The following HSD17B3 variants were observed in gnomAD, a reference collection of about 807,000 sequenced individuals.
The protein encoded by HSD17B3 is hydroxysteroid 17-beta dehydrogenase 3, also known as 17-beta-hydroxysteroid dehydrogenase type 3.
Under a neutral mutation model 41.1 loss-of-function variants are expected in HSD17B3, and 29 were observed. The ratio of observed to expected loss-of-function variants is 0.71; its 90% CI spans 0.53 to 0.96. HSD17B3 has a LOEUF of 0.96. Among genes scored for constraint, HSD17B3 ranks in the 40% least tolerant of loss-of-function variants. The pLI is 0.00. For missense variants in HSD17B3, 323 were observed against 374.6 expected, an observed-to-expected ratio of 0.86 and a Z score of 1.14; for synonymous variants, 126 against 145.6, an observed-to-expected ratio of 0.87 and a Z score of 0.97.
intron 10 of HSD17B3, among the ~76,000 whole-genome samples, chr9:96,238,915 G>A (rs1836327842): frequency 6.6e-6 from 1 of 152,236 alleles, no homozygotes; most frequent in African/African-American, 2.4e-5. Context: ...AGCATGGTGA[G>A]ACAGGTGCTG....
chr9:96,242,796 A>G (rs1399776890), intron 9 of HSD17B3, among the ~76,000 whole-genome samples: 1 of 152,180 alleles, frequency 6.6e-6, no homozygotes, highest in Non-Finnish European at 1.5e-5. Flanking sequence ...GATGCTGCTG[A>G]GGGTCACATG....
intron 2 of HSD17B3, among the ~76,000 whole-genome samples, chr9:96,277,501 G>A (rs1826510991): frequency 6.6e-6 from 1 of 152,170 alleles, no homozygotes; most frequent in African/African-American, 2.4e-5. Flanking sequence ...AGGAAATGCA[G>A]ATGAAAACCA....
chr9:96,262,175 TA>T, intron 2 of HSD17B3, among the ~76,000 whole-genome samples: 1 of 150,402 alleles, frequency 6.6e-6, no homozygotes, highest in East Asian at 2.0e-4. Context: ...TATGTGTTTC[TA>T]CCTCTGAAAA....
chr9:96,290,061 T>C (rs72621420), intron 2 of HSD17B3, among the ~76,000 whole-genome samples: 23,782 of 151,972 alleles, frequency 0.16, 2,482 homozygotes, highest in Admixed American at 0.3. Flanking sequence ...AGGGCTTGAA[T>C]TCAGGTGCTA....
intron 6 of HSD17B3, among the ~76,000 whole-genome samples, chr9:96,248,974 C>T (rs1335423973): frequency 6.6e-6 from 1 of 151,608 alleles, no homozygotes; most frequent in East Asian, 1.9e-4. Flanking sequence ...GACACAGTCT[C>T]AGCTCACTGC....
At chr9:96,267,141 C>A (rs1456022947) in intron 2 of HSD17B3, among the ~76,000 whole-genome samples, 2 of 143,822 alleles carry the variant, frequency 1.4e-5, no homozygotes, top group East Asian at 4.1e-4. Context: ...TGGAACAGCG[C>A]CAGGCAAAAG....
intron 2 of HSD17B3, among the ~76,000 whole-genome samples, chr9:96,279,855 C>T (rs1285530242): frequency 4.6e-5 from 7 of 151,916 alleles, no homozygotes; most frequent in East Asian, 1.9e-4. Context: ...CGGCAAGCTC[C>T]GCCTCCCAGG....
intron 2 of HSD17B3, among the ~76,000 whole-genome samples, chr9:96,287,448 C>T (rs917575332): frequency 1.6e-4 from 24 of 152,224 alleles, no homozygotes; most frequent in African/African-American, 3.1e-4. Flanking sequence ...TGGTGGCTCA[C>T]GCCTGTAATG....
intron 2 of HSD17B3, among the ~76,000 whole-genome samples, chr9:96,257,135 C>A (rs1042342886): frequency 4.6e-5 from 7 of 152,148 alleles, no homozygotes; most frequent in Admixed American, 2.6e-4. Context: ...CCTGTACAAG[C>A]CTGCAGAACT....
At chr9:96,275,772 T>C (rs1161478034) in intron 2 of HSD17B3, among the ~76,000 whole-genome samples, 1 of 150,602 alleles carries the variant, frequency 6.6e-6, no homozygotes, top group Admixed American at 6.6e-5. Context: ...AAAGAGAAAA[T>C]AATGAAAGCA....
At chr9:96,253,488 C>T (rs557111194) in intron 3 of HSD17B3, among the ~76,000 whole-genome samples, 47 of 152,238 alleles carry the variant, frequency 3.1e-4, no homozygotes, top group Middle Eastern at 3.4e-3. Flanking sequence ...GGTCATTGTC[C>T]CTACAACCTT....
chr9:96,235,493 C>T lies in HSD17B3; in HGVS notation c.900G>A (p.Val300=). ...AFQRLLLTHY[V]AYLKLNTKVR ...CCTTGGTGTTGAGCTTCAGGTATGC[C>T]ACATAGTGTGTCAGGAGCAGCCTTT... Residue 300 remains valine, a synonymous_variant, in exon 11 of 11, where the codon GTG becomes GTA. Coordinates refer to ENST00000375263, the MANE Select transcript of HSD17B3 (RefSeq NM_000197.2). The T allele has an allele frequency of 6.2e-7, 1 of 1,614,032 alleles. No individual in the cohort carries two copies. Among genetic ancestry groups the T allele is most frequent in the Non-Finnish European group, 8.5e-7 (1 of 1,180,006 alleles).
At chr9:96,250,717 G>A (rs8190544) in intron 5 of HSD17B3, among the ~76,000 whole-genome samples, 2,130 of 152,018 alleles carry the variant, frequency 0.014, 48 homozygotes, top group African/African-American at 0.049. Flanking sequence ...TGAAACCCCC[G>A]TCTCTACTAA....
intron 3 of HSD17B3, 87 bp downstream of exon 3, chr9:96,254,781 G>A (rs1825559784): frequency 8.8e-7 from 1 of 1,130,380 alleles, no homozygotes; most frequent in South Asian, 1.3e-5. Context: ...GCAGATGTGG[G>A]GATGCCAAGT....
chr9:96,274,462 A>G (rs891851326), intron 2 of HSD17B3, among the ~76,000 whole-genome samples: 6 of 152,198 alleles, frequency 3.9e-5, no homozygotes, highest in African/African-American at 1.4e-4. Flanking sequence ...CTCCATCTCA[A>G]AATAAATAAA....
intron 2 of HSD17B3, among the ~76,000 whole-genome samples, chr9:96,293,078 A>G (rs1827214220): frequency 6.6e-6 from 1 of 152,252 alleles, no homozygotes; most frequent in South Asian, 2.1e-4. Flanking sequence ...TTAAAAAGGA[A>G]TCTTGGGACA....
At chr9:96,247,519 T>TG (rs992401443) in intron 6 of HSD17B3, among the ~76,000 whole-genome samples, 10 of 152,074 alleles carry the variant, frequency 6.6e-5, no homozygotes, top group African/African-American at 2.4e-4. Flanking sequence ...TCTTCGCTGC[T>TG]GGGGGGCCAG....
At chr9:96,264,537 T>G (rs369022412) in intron 2 of HSD17B3, among the ~76,000 whole-genome samples, 12 of 152,052 alleles carry the variant, frequency 7.9e-5, no homozygotes, top group African/African-American at 1.7e-4. Context: ...TTGGTTGGTT[T>G]GTTTGTTGTA....
intron 2 of HSD17B3, among the ~76,000 whole-genome samples, chr9:96,296,264 GA>G (rs1454024662): frequency 2.1e-5 from 3 of 140,124 alleles, no homozygotes; most frequent in Non-Finnish European, 4.7e-5. Flanking sequence ...AAAAGAAGAA[GA>G]AACATCAGAG....
Sources: allele counts gnomAD v4.1 joint callset (sites outside exome capture counted in the v4.1 genomes callset), GRCh38; gene constraint gnomAD v4.1.1; transcripts MANE v1.5; gene names NCBI Gene and HGNC (gene_info 2026-07-23, HGNC 2026-07-21).